ZNF346: variants seen among roughly 807,000 people sequenced by gnomAD.
The protein encoded by ZNF346 is double-stranded RNA-binding zinc finger protein JAZ.
In ZNF346, 23 loss-of-function variants were observed where a neutral mutation model predicts 33.7. The ratio of observed to expected loss-of-function variants is 0.68; its 90% CI spans 0.49 to 0.97. The LOEUF (loss-of-function observed/expected upper bound fraction) is 0.97. ZNF346 is among the 50% of genes least tolerant of loss of function. The pLI is 0.00. For synonymous variants in ZNF346, 134 were observed against 142.4 expected (o/e 0.94, Z 0.42); for missense variants, 340 against 371.1 (o/e 0.92, Z 0.69).
chr5:177,074,465 G>C (rs577888557), intron 8 of ZNF346, among the ~76,000 whole-genome samples: 137 of 152,244 alleles, frequency 9.0e-4, no homozygotes, highest in South Asian at 2.5e-3. Context: ...ATACTGTTGG[G>C]AACCAGGATC....
chr5:177,045,610 C>T (rs1196003464), intron 4 of ZNF346, among the ~76,000 whole-genome samples: 1 of 152,100 alleles, frequency 6.6e-6, no homozygotes, highest in Non-Finnish European at 1.5e-5. Context: ...CCTGCCTCGG[C>T]CTCCCAAAGT....
chr5:177,057,851 C>T (rs192502473), intron 5 of ZNF346, among the ~76,000 whole-genome samples: 7 of 149,720 alleles, frequency 4.7e-5, no homozygotes, highest in Admixed American at 2.0e-4. Flanking sequence ...GACAGAGTTT[C>T]GCTCTTAATG....
At chr5:177,061,951 C>T (rs148941289) in intron 5 of ZNF346, 107 bp from the exon 6 acceptor site, 13,440 of 927,588 alleles carry the variant, frequency 0.014, 148 homozygotes, top group Admixed American at 0.038. Context: ...AACCTCACCT[C>T]GCCTCACCTG....
chr5:177,066,239 G>A lies in ZNF346; in HGVS notation c.*1640G>A, dbSNP rs1250039928. ...AGGTCTTTAAAGGGTTTAAGCTGGG[G>A]ATCTGCTTTATGTTTGAGAGAACTG... is the stretch of plus-strand genomic sequence containing the variant. On this transcript the variant is annotated 3_prime_UTR_variant, in exon 7 of 7. Coordinates refer to ENST00000358149, the MANE Select transcript of ZNF346 (RefSeq NM_012279.4). Among the ~76,000 whole-genome samples the A allele has an allele frequency of 6.6e-6, 1 of 151,400 alleles. No individual in the cohort carries two copies. Among genetic ancestry groups the A allele is most frequent in the Non-Finnish European group, 1.5e-5 (1 of 67,920 alleles).
chr5:177,037,765 A>G (rs1481281612), intron 1 of ZNF346, among the ~76,000 whole-genome samples: 3 of 152,272 alleles, frequency 2.0e-5, no homozygotes, highest in East Asian at 1.9e-4. Context: ...GTTGACAACA[A>G]CTGTCAGAGT....
chr5:177,037,999 C>T (rs896859112), intron 1 of ZNF346, among the ~76,000 whole-genome samples: 1 of 152,142 alleles, frequency 6.6e-6, no homozygotes, highest in Non-Finnish European at 1.5e-5. Context: ...CCAAACTCAT[C>T]CCTGCCTCAC....
chr5:177,079,317 C>T (rs950172905), intron 8 of ZNF346: 2 of 152,040 alleles, frequency 1.3e-5, no homozygotes, highest in African/African-American at 4.8e-5. Flanking sequence ...TTTGATAGCC[C>T]CTGGTTTTGT....
At chr5:177,025,821 G>T (rs1287374073) in intron 1 of ZNF346, among the ~76,000 whole-genome samples, 2 of 151,904 alleles carry the variant, frequency 1.3e-5, no homozygotes, top group African/African-American at 2.4e-5. Flanking sequence ...ACTGTGACTT[G>T]TTTTTTCATT....
intron 1 of ZNF346, among the ~76,000 whole-genome samples, chr5:177,029,572 G>A (rs570307735): frequency 6.6e-5 from 10 of 152,176 alleles, no homozygotes; most frequent in African/African-American, 2.4e-4. Flanking sequence ...AGAGACCAAG[G>A]CAACTCTTAG....
At chr5:177,079,019 C>G (rs1441064400) in intron 8 of ZNF346, among the ~76,000 whole-genome samples, 1 of 151,908 alleles carries the variant, frequency 6.6e-6, no homozygotes, top group Non-Finnish European at 1.5e-5. Flanking sequence ...GCCTATAATC[C>G]CAGCACTTTG....
chr5:177,075,396 A>G (rs537362204), intron 8 of ZNF346, among the ~76,000 whole-genome samples: 2 of 152,284 alleles, frequency 1.3e-5, no homozygotes, highest in African/African-American at 4.8e-5. Flanking sequence ...AGAGCCAGAC[A>G]CCGTCTCAAA....
chr5:177,057,978 C>A (rs1312682406), intron 5 of ZNF346, among the ~76,000 whole-genome samples: 1 of 150,044 alleles, frequency 6.7e-6, no homozygotes, highest in East Asian at 2.1e-4. Context: ...TGCACCACCA[C>A]GGCCAGCTAA....
At chr5:177,053,779 T>C (rs959857330) in intron 5 of ZNF346, among the ~76,000 whole-genome samples, 2 of 152,198 alleles carry the variant, frequency 1.3e-5, no homozygotes, top group Non-Finnish European at 2.9e-5. Flanking sequence ...TAACATTTTG[T>C]GACATACTAA....
chr5:177,074,168 A>G (rs986154380), intron 8 of ZNF346, among the ~76,000 whole-genome samples: 2 of 152,194 alleles, frequency 1.3e-5, no homozygotes, highest in Admixed American at 6.6e-5. Flanking sequence ...TAAGTTTGGG[A>G]ACAGTTTGTG....
intron 8 of ZNF346, among the ~76,000 whole-genome samples, chr5:177,073,654 G>A (rs1299612049): frequency 1.3e-5 from 2 of 152,292 alleles, no homozygotes; most frequent in African/African-American, 4.8e-5. Flanking sequence ...AAGGTCAAAG[G>A]AGCCAGGTTG....
chr5:177,075,166 C>CT (rs1199136639), intron 8 of ZNF346, among the ~76,000 whole-genome samples: 19 of 151,162 alleles, frequency 1.3e-4, no homozygotes, highest in African/African-American at 4.1e-4. Flanking sequence ...TTTGGGAGGC[C>CT]AAAGCAGGTG....
chr5:177,042,595 A>C (rs1581856333), intron 3 of ZNF346, among the ~76,000 whole-genome samples: 1 of 152,354 alleles, frequency 6.6e-6, no homozygotes. Flanking sequence ...AGTTTACTCT[A>C]TAGACTGCTA....
chr5:177,061,281 C>T (rs1417401849), intron 5 of ZNF346, among the ~76,000 whole-genome samples: 1 of 151,064 alleles, frequency 6.6e-6, no homozygotes, highest in Non-Finnish European at 1.5e-5. Context: ...ACTGTCTCTA[C>T]CAAAAATACA....
intron 5 of ZNF346, among the ~76,000 whole-genome samples, chr5:177,060,378 G>A (rs1029078764): frequency 6.7e-6 from 1 of 150,184 alleles, no homozygotes. Flanking sequence ...AAAATTAGCC[G>A]GGCGTGGTGG....
Sources: gnomAD v4.1 joint callset for allele counts (sites outside exome capture counted in the v4.1 genomes callset) on GRCh38, gnomAD v4.1.1 for gene constraint, MANE v1.5 for transcripts, NCBI Gene and HGNC (gene_info 2026-07-23, HGNC 2026-07-21) for gene names.